The following ARHGEF7 variants were observed in gnomAD, a reference collection of about 807,000 sequenced individuals.
The protein encoded by ARHGEF7 is PAK-interacting exchange factor beta.
Under a neutral mutation model 109.8 loss-of-function variants are expected in ARHGEF7, and 33 were observed. That is an observed-to-expected ratio of 0.30 (90% CI 0.23 to 0.40). The LOEUF (loss-of-function observed/expected upper bound fraction) is 0.40, where lower values mean the gene tolerates loss of function less well. Among genes scored for constraint, ARHGEF7 ranks in the 10% least tolerant of loss-of-function variants. ARHGEF7 has a pLI of 1.00. For missense variants in ARHGEF7, 938 were observed against 1,098.5 expected (o/e 0.85, Z 2.07); for synonymous variants, 458 against 424.6 (o/e 1.08, Z -0.97).
intron 2 of ARHGEF7, among the ~76,000 whole-genome samples, chr13:111,171,393 C>G (rs529001855): frequency 1.6e-4 from 25 of 152,224 alleles, no homozygotes; most frequent in Admixed American, 7.2e-4. Context: ...CTGGATGAGG[C>G]TCTTTGGTGA....
chr13:111,257,731 C>T (rs909644115), intron 8 of ARHGEF7, among the ~76,000 whole-genome samples: 7 of 152,222 alleles, frequency 4.6e-5, no homozygotes, highest in African/African-American at 9.6e-5. Flanking sequence ...CCCTCAACTT[C>T]GGCAGCAGCC....
chr13:111,177,232 C>T (rs894646162), intron 2 of ARHGEF7, among the ~76,000 whole-genome samples: 2 of 152,240 alleles, frequency 1.3e-5, no homozygotes, highest in Middle Eastern at 3.2e-3. Context: ...ACAGCTGGTG[C>T]ATTGTGGCCG....
In ARHGEF7 at chr13:111,276,355, A is replaced by C. The variant is rs146804997; in HGVS notation, c.1419+677A>C. Reference sequence around the variant, plus strand: ...GACTCCAAGGAGAATAAGAAAACTAAAACTTCAAACTTATATAGTGTGTTT... The same window carrying C: ...GACTCCAAGGAGAATAAGAAAACTACAACTTCAAACTTATATAGTGTGTTT... On this transcript the variant is annotated intron_variant, in intron 12 of 21. Coordinates refer to ENST00000646102, the MANE Select transcript of ARHGEF7 (RefSeq NM_001354046.2). Among the ~76,000 whole-genome samples, 111 of 152,352 alleles carry C rather than the reference A, an allele frequency of 7.3e-4. 1 individual carries two copies. In the East Asian group the frequency reaches 0.014, roughly 19 times the overall value.
chr13:111,189,450 C>G (rs547319953), intron 2 of ARHGEF7, among the ~76,000 whole-genome samples: 1 of 152,064 alleles, frequency 6.6e-6, no homozygotes, highest in Non-Finnish European at 1.5e-5. Context: ...GTGGCGCATC[C>G]GGAGTTGATT....
At chr13:111,146,014 G>C (rs1351970927) in intron 1 of ARHGEF7, among the ~76,000 whole-genome samples, 1 of 152,126 alleles carries the variant, frequency 6.6e-6, no homozygotes, top group Non-Finnish European at 1.5e-5. Flanking sequence ...ACATCGGTGG[G>C]CCCTGCAGTT....
intron 2 of ARHGEF7, among the ~76,000 whole-genome samples, chr13:111,155,068 C>T (rs1319018712): frequency 1.3e-5 from 2 of 152,070 alleles, no homozygotes; most frequent in Admixed American, 6.5e-5. Flanking sequence ...TTATAATGTA[C>T]TAGGTAGTGT....
chr13:111,224,632 A>G (rs909490626), intron 5 of ARHGEF7, among the ~76,000 whole-genome samples: 1 of 152,218 alleles, frequency 6.6e-6, no homozygotes, highest in Non-Finnish European at 1.5e-5. Flanking sequence ...CAGATCTTTA[A>G]CGACATTGCC....
chr13:111,280,799 T>C, intron 15 of ARHGEF7, 122 bp downstream of exon 15: 1 of 1,115,522 alleles, frequency 9.0e-7, no homozygotes, highest in Non-Finnish European at 1.2e-6. Context: ...TGCAAAACAC[T>C]TGCTTCACAT....
chr13:111,185,296 T>C (rs1287138460), intron 2 of ARHGEF7: 1 of 152,452 alleles, frequency 6.6e-6, no homozygotes, highest in Non-Finnish European at 1.5e-5. Flanking sequence ...ACAAGTGCTG[T>C]TCTGAACTGT....
chr13:111,149,996 A>G (rs1412874932), intron 1 of ARHGEF7, among the ~76,000 whole-genome samples: 4 of 152,216 alleles, frequency 2.6e-5, no homozygotes, highest in Admixed American at 1.3e-4. Flanking sequence ...TGAAAATCAA[A>G]AGAGGCTGGT....
intron 8 of ARHGEF7, among the ~76,000 whole-genome samples, chr13:111,250,423 G>C (rs964911884): frequency 1.3e-5 from 2 of 152,186 alleles, no homozygotes; most frequent in Admixed American, 1.3e-4. Flanking sequence ...ACAGATAATT[G>C]AAAATTGTAT....
chr13:111,170,175 G>A (rs1381396916), intron 2 of ARHGEF7, among the ~76,000 whole-genome samples: 1 of 152,210 alleles, frequency 6.6e-6, no homozygotes, highest in African/African-American at 2.4e-5. Flanking sequence ...TCAGCCCACT[G>A]TAACCTCTGC....
At chr13:111,230,788 C>T (rs537312350) in intron 5 of ARHGEF7, among the ~76,000 whole-genome samples, 1 of 152,378 alleles carries the variant, frequency 6.6e-6, no homozygotes, top group South Asian at 2.1e-4. Context: ...ACCTTCCATT[C>T]AGCAGCCAGC....
intron 6 of ARHGEF7, chr13:111,241,164 G>A (rs768823362): frequency 6.5e-7 from 1 of 1,535,470 alleles, no homozygotes; most frequent in Non-Finnish European, 8.7e-7. Context: ...GCTCAGCTCT[G>A]TGGGCCTTTC....
intron 1 of ARHGEF7, among the ~76,000 whole-genome samples, chr13:111,139,840 GC>G (rs1367876090): frequency 1.3e-5 from 2 of 152,220 alleles, no homozygotes; most frequent in Non-Finnish European, 2.9e-5. Flanking sequence ...GCACTGGGAA[GC>G]CCATGGGCAG....
intron 11 of ARHGEF7, 57 bp downstream of exon 11, chr13:111,274,847 A>G: frequency 3.4e-6 from 4 of 1,169,842 alleles, no homozygotes; most frequent in Non-Finnish European, 4.6e-6. Flanking sequence ...AAATGAATGT[A>G]AAAGAATTAT....
chr13:111,205,439 T>G, intron 3 of ARHGEF7, 66 bp downstream of exon 3: 1 of 1,174,124 alleles, frequency 8.5e-7, no homozygotes, highest in Non-Finnish European at 1.2e-6. Flanking sequence ...TTTGGTTTTC[T>G]TGTTTTACCA....
chr13:111,285,984 G>A (rs572298587), intron 16 of ARHGEF7, among the ~76,000 whole-genome samples, 163 bp from the exon 17 acceptor site: 22 of 152,068 alleles, frequency 1.4e-4, no homozygotes, highest in Non-Finnish European at 2.2e-4. Flanking sequence ...AAAAATTAAC[G>A]TTCAGAAGCT....
intron 1 of ARHGEF7, among the ~76,000 whole-genome samples, chr13:111,125,243 A>G (rs1166585702): frequency 1.3e-5 from 2 of 152,210 alleles, no homozygotes; most frequent in Non-Finnish European, 2.9e-5. Context: ...TCCATGTCCT[A>G]TGCCCTGGGT....
Sources: allele counts gnomAD v4.1 joint callset (sites outside exome capture counted in the v4.1 genomes callset), GRCh38; gene constraint gnomAD v4.1.1; transcripts MANE v1.5; gene names NCBI Gene and HGNC (gene_info 2026-07-23, HGNC 2026-07-21).